The following CTSC variants were observed in gnomAD, a reference collection of about 807,000 sequenced individuals.
CTSC encodes the protein cathepsin C.
A neutral mutation model predicts 40.9 loss-of-function variants in CTSC; 37 were observed. That is an observed-to-expected ratio of 0.91 (90% CI 0.70 to 1.19). The LOEUF (loss-of-function observed/expected upper bound fraction) is 1.19. Among genes scored for constraint, CTSC ranks in the 50% most tolerant of loss-of-function variants. CTSC has a pLI of 0.00. For synonymous variants in CTSC, 232 were observed against 207.4 expected (o/e 1.12, Z -1.02); for missense variants, 594 against 567.3 (o/e 1.05, Z -0.48).
At chr11:88,328,080 AAG>A in intron 2 of CTSC, 2 of 1,481,668 alleles carry the variant, frequency 1.3e-6, no homozygotes, top group Non-Finnish European at 1.9e-6. Flanking sequence ...TGCTTTTAAT[AAG>A]AAAGTTAGAA....
rs527889382 is a variant in CTSC, at chr11:88,293,953, C to A, written c.*53G>T. The A allele has an allele frequency of 1.2e-4, 198 of 1,588,028 alleles. 1 individual carries two copies. The South Asian group carries it at 1.5e-3, about 12-fold the overall frequency. ...GAAAGTCTACAGTCTGTGAATATAC[C>A]AATTCCCCTTTACAACTGATGCAGA... On this transcript the variant is annotated 3_prime_UTR_variant, in exon 7 of 7. Transcript: ENST00000227266.
intron 5 of CTSC, among the ~76,000 whole-genome samples, chr11:88,300,237 A>G (rs1218089296): frequency 6.6e-6 from 1 of 152,218 alleles, no homozygotes; most frequent in Non-Finnish European, 1.5e-5. Context: ...CTTTCCTACT[A>G]GGAGGACAAA....
chr11:88,331,189 T>C (rs1938345915), intron 2 of CTSC, among the ~76,000 whole-genome samples: 1 of 152,182 alleles, frequency 6.6e-6, no homozygotes, highest in Non-Finnish European at 1.5e-5. Context: ...ACCAGCTCAG[T>C]GCCCTCCAGT....
At chr11:88,313,864 C>T (rs761873522) in intron 2 of CTSC, among the ~76,000 whole-genome samples, 26 of 152,150 alleles carry the variant, frequency 1.7e-4, no homozygotes, top group Non-Finnish European at 3.2e-4. Context: ...GTTTGGTAAA[C>T]ACTTCCTATA....
chr11:88,325,964 G>A (rs191786433), intron 2 of CTSC: 1 of 996,006 alleles, frequency 1.0e-6, no homozygotes, highest in East Asian at 1.1e-4. Context: ...CACTCAGGCA[G>A]ACAGTTAAAC....
At chr11:88,326,504 T>C (rs764313802) in intron 2 of CTSC, 3 of 1,042,448 alleles carry the variant, frequency 2.9e-6, no homozygotes, top group Non-Finnish European at 4.4e-6. Context: ...TCTTAATATT[T>C]AATCATATCA....
chr11:88,336,526 A>G (rs1356759523), intron 1 of CTSC, among the ~76,000 whole-genome samples: 4 of 149,258 alleles, frequency 2.7e-5, no homozygotes, highest in Admixed American at 1.4e-4. Flanking sequence ...GTGACAGAGC[A>G]AGACTCCATT....
rs1213914396 is a variant in CTSC at position 88,296,183 on chromosome 11, G to T, written c.839C>A (p.Thr280Asn). 1 of 1,614,028 alleles carries T rather than the reference G, an allele frequency of 6.2e-7. No individual in the cohort carries two copies. ...RIRILTNNSQ[T>N]PILSPQEVVS... ...AACCTCCTGAGGGCTTAGGATTGGGGTCTGAGAATTGTTGGTTAGTATACG... is the reference window on the plus strand; with the variant it reads ...AACCTCCTGAGGGCTTAGGATTGGGTTCTGAGAATTGTTGGTTAGTATACG... The change falls in exon 6 of 7, where the codon ACC becomes AAC. Residue 280 changes from threonine (T) to asparagine (N), a missense_variant. Transcript: ENST00000227266.
intron 2 of CTSC, among the ~76,000 whole-genome samples, chr11:88,320,145 T>C (rs1231194739): frequency 6.6e-6 from 1 of 152,190 alleles, no homozygotes; most frequent in Non-Finnish European, 1.5e-5. Flanking sequence ...AAAAGTCGAA[T>C]TGTAATAAAA....
At chr11:88,316,256 G>A (rs1315265469) in intron 2 of CTSC, among the ~76,000 whole-genome samples, 1 of 152,160 alleles carries the variant, frequency 6.6e-6, no homozygotes, top group African/African-American at 2.4e-5. Flanking sequence ...CCACTGATTG[G>A]CTGTGTGATC....
intron 2 of CTSC, among the ~76,000 whole-genome samples, chr11:88,327,424 G>A (rs553275366): frequency 6.6e-6 from 1 of 152,328 alleles, no homozygotes; most frequent in Non-Finnish European, 1.5e-5. Context: ...AAAATGCAAG[G>A]AAGGGTAAGT....
chr11:88,303,845 C>G (rs764281737), intron 4 of CTSC, among the ~76,000 whole-genome samples: 7 of 151,916 alleles, frequency 4.6e-5, no homozygotes, highest in Non-Finnish European at 7.4e-5. Flanking sequence ...GTCTTATGAC[C>G]CAAGATCAGA....
At chr11:88,328,194 A>C in intron 2 of CTSC, 1 of 1,606,300 alleles carries the variant, frequency 6.2e-7, no homozygotes. Context: ...AATCAGTGAC[A>C]TCCTACAAAG....
chr11:88,309,021 T>C (rs1937692699), intron 4 of CTSC, 142 bp downstream of exon 4: 3 of 723,870 alleles, frequency 4.1e-6, no homozygotes, highest in Admixed American at 2.1e-5. Context: ...CAATAGGAGA[T>C]AAAGATCGTT....
intron 4 of CTSC, among the ~76,000 whole-genome samples, chr11:88,308,867 C>T (rs1937690365): frequency 6.6e-6 from 1 of 152,088 alleles, no homozygotes; most frequent in African/African-American, 2.4e-5. Flanking sequence ...CAGGTGGTTA[C>T]CGGCAGGAGG....
At chr11:88,316,742 T>G (rs1937888359) in intron 2 of CTSC, among the ~76,000 whole-genome samples, 1 of 152,178 alleles carries the variant, frequency 6.6e-6, no homozygotes, top group African/African-American at 2.4e-5. Flanking sequence ...AAGTCCTATT[T>G]CAACAGTTAA....
At chr11:88,295,432 T>C (rs1944288005) in intron 6 of CTSC, among the ~76,000 whole-genome samples, 1 of 151,840 alleles carries the variant, frequency 6.6e-6, no homozygotes, top group South Asian at 2.1e-4. Context: ...CAGGCTGGAG[T>C]GCAGTGGCAT....
At chr11:88,295,214 G>C (rs1944284954) in intron 6 of CTSC, among the ~76,000 whole-genome samples, 1 of 152,164 alleles carries the variant, frequency 6.6e-6, no homozygotes, top group African/African-American at 2.4e-5. Flanking sequence ...AAGGCTCACT[G>C]GCAAATAATC....
intron 2 of CTSC, among the ~76,000 whole-genome samples, chr11:88,319,664 A>G (rs750856553): frequency 6.6e-6 from 1 of 152,166 alleles, no homozygotes; most frequent in African/African-American, 2.4e-5. Context: ...CAATTTTATG[A>G]CATTAATAAA....
Sources: allele counts gnomAD v4.1 joint callset (sites outside exome capture counted in the v4.1 genomes callset), GRCh38; gene constraint gnomAD v4.1.1; transcripts MANE v1.5; gene names NCBI Gene and HGNC (gene_info 2026-07-23, HGNC 2026-07-21).